The following SBNO1 variants were observed in gnomAD, a reference collection of about 807,000 sequenced individuals.
SBNO1 encodes the protein strawberry notch homolog 1.
In SBNO1, 23 loss-of-function variants were observed where a neutral mutation model predicts 173.6. That is an observed-to-expected ratio of 0.13 (90% CI 0.10 to 0.19). SBNO1 has a LOEUF of 0.19. Among genes scored for constraint, SBNO1 ranks in the 10% least tolerant of loss-of-function variants. The probability of loss-of-function intolerance (pLI) is 1.00; values close to 1 mark genes in which losing one functional copy is unlikely to be tolerated. For synonymous variants in SBNO1, 632 were observed against 571.5 expected, an observed-to-expected ratio of 1.11 and a Z score of -1.51; for missense variants, 1,238 against 1,671.2, an observed-to-expected ratio of 0.74 and a Z score of 4.52.
chr12:123,320,589 C>A lies in SBNO1; in HGVS notation c.2510G>T (p.Ser837Ile). The A allele has an allele frequency of 6.2e-7, 1 of 1,613,134 alleles. No individual in the cohort carries two copies. The highest frequency in any genetic ancestry group is 8.5e-7 in the Non-Finnish European group (1 of 1,179,628). ...NSTPANSNTN[S>I]NSSLITSQDA... ...CTGACTTGTTATAAGGCTACTGTTA[C>A]TGTTGGTGTTACTGTTAGCTAGATA... The change falls in exon 19 of 32, where the codon AGT (serine) becomes ATT (isoleucine). Residue 837 changes from serine (S) to isoleucine (I), a missense_variant. Physicochemically the swap from Ser to Ile is moderately radical, Grantham distance 142. Transcript: ENST00000602398.
Position 123,292,980 on chromosome 12 carries a change from T to TC in SBNO1, c.*2927dup, listed in dbSNP as rs1370037207. Reference sequence around the variant, plus strand: ...GTTGCTAAATGAGGGGAACACTAATTCCCCCAGAGATAACATCTGAGCTGC... The same window carrying TC: ...GTTGCTAAATGAGGGGAACACTAATTCCCCCCAGAGATAACATCTGAGCTGC... On this transcript the variant is annotated 3_prime_UTR_variant, in exon 32 of 32. Coordinates refer to ENST00000602398, the MANE Select transcript of SBNO1 (RefSeq NM_001167856.3). 2 of 152,140 alleles carry TC rather than the reference T, an allele frequency of 1.3e-5. No homozygotes were observed. The highest frequency in any genetic ancestry group is 4.8e-5 in the African/African-American group (2 of 41,422). 9.4% of individuals were successfully genotyped at this position (152,140 alleles called of 1,614,324 possible).
intron 3 of SBNO1, 49 bp downstream of exon 3, chr12:123,347,980 A>G (rs770105868): frequency 2.5e-6 from 3 of 1,189,726 alleles, no homozygotes; most frequent in Non-Finnish European, 3.7e-6. Context: ...TTTTCTCACT[A>G]CACTTCTAAA....
At chr12:123,316,225 A>G (rs1219441606) in intron 21 of SBNO1, among the ~76,000 whole-genome samples, 1 of 152,158 alleles carries the variant, frequency 6.6e-6, no homozygotes, top group Admixed American at 6.6e-5. Flanking sequence ...AAGACATTAA[A>G]CAGGATTTTT....
chr12:123,305,659 G>A (rs1169706337), intron 28 of SBNO1, among the ~76,000 whole-genome samples: 1 of 152,046 alleles, frequency 6.6e-6, no homozygotes, highest in Non-Finnish European at 1.5e-5. Flanking sequence ...TTTTAGTAGA[G>A]ATGGGGTTTC....
chr12:123,350,914 A>G (rs796791732), intron 1 of SBNO1, among the ~76,000 whole-genome samples: 14 of 152,274 alleles, frequency 9.2e-5, no homozygotes, highest in African/African-American at 3.4e-4. Context: ...CTAAGTTCAG[A>G]AGTTTGAGAC....
chr12:123,362,666 G>C (rs1232178189), intron 1 of SBNO1, among the ~76,000 whole-genome samples: 1 of 150,384 alleles, frequency 6.6e-6, no homozygotes, highest in Admixed American at 6.7e-5. Context: ...CTACTAGGGA[G>C]ACTGAGGCAG....
intron 1 of SBNO1, among the ~76,000 whole-genome samples, chr12:123,353,090 G>A (rs973009206): frequency 2.6e-5 from 4 of 152,168 alleles, no homozygotes; most frequent in Middle Eastern, 3.4e-3. Context: ...GCACCACCGC[G>A]CCCAGCCTCC....
chr12:123,298,259 T>C, intron 30 of SBNO1, 88 bp from the exon 31 acceptor site: 2 of 1,121,844 alleles, frequency 1.8e-6, no homozygotes, highest in Non-Finnish European at 2.4e-6. Context: ...AACTCAAATT[T>C]CTTTTCTTTT....
chr12:123,355,082 G>A (rs955467319), intron 1 of SBNO1, among the ~76,000 whole-genome samples: 2 of 151,720 alleles, frequency 1.3e-5, no homozygotes, highest in Non-Finnish European at 2.9e-5. Context: ...GTGCAGTGGC[G>A]CGATCTCAGC....
At chr12:123,347,999 G>A (rs745335610) in intron 3 of SBNO1, 30 bp downstream of exon 3, 1 of 1,373,500 alleles carries the variant, frequency 7.3e-7, no homozygotes, top group Non-Finnish European at 1.0e-6. Context: ...AACTATTTTA[G>A]AAGTAACGAC....
At chr12:123,312,081 C>CT (rs71765792) in intron 24 of SBNO1, among the ~76,000 whole-genome samples, 182 of 144,264 alleles carry the variant, frequency 1.3e-3, no homozygotes, top group Non-Finnish European at 1.4e-3. Flanking sequence ...ATCAAGGAAT[C>CT]TTTTTTTTTT....
chr12:123,325,827 C>T (rs1259878004), intron 14 of SBNO1, among the ~76,000 whole-genome samples: 1 of 152,124 alleles, frequency 6.6e-6, no homozygotes, highest in African/African-American at 2.4e-5. Context: ...AGTGAAGCCC[C>T]TGCCCTTGTA....
chr12:123,332,810 C>A (rs1235253987), intron 7 of SBNO1, among the ~76,000 whole-genome samples: 1 of 152,106 alleles, frequency 6.6e-6, no homozygotes, highest in African/African-American at 2.4e-5. Context: ...CAGGGTGACC[C>A]GCCTGCCTCA....
In SBNO1 at chr12:123,295,444, A is replaced by G. The variant is rs1409042782; in HGVS notation, c.*464T>C. 6.6e-6 allele frequency: 1 copy of G among 152,462 alleles called. No homozygotes were observed. The highest frequency in any genetic ancestry group is 1.9e-4 in the East Asian group (1 of 5,212). The allele number at this position is 152,462 out of a possible 1,614,324, so 9.4% of individuals were successfully genotyped here. On this transcript the variant is annotated 3_prime_UTR_variant, in exon 32 of 32. Transcript: ENST00000602398. Reference sequence around the variant, plus strand: ...CCTATTAAGTTGGAAAAAGAAACCAATATATATTTTCTATATTTATAGACT... The same window carrying G: ...CCTATTAAGTTGGAAAAAGAAACCAGTATATATTTTCTATATTTATAGACT...
intron 1 of SBNO1, among the ~76,000 whole-genome samples, chr12:123,355,371 T>C (rs1874336585): frequency 5.3e-5 from 8 of 151,974 alleles, no homozygotes; most frequent in Admixed American, 5.2e-4. Context: ...AAAAAAACGC[T>C]GGGCACGGTG....
intron 2 of SBNO1, among the ~76,000 whole-genome samples, chr12:123,349,724 GAAC>G (rs1349896951): frequency 2.6e-5 from 4 of 152,114 alleles, no homozygotes; most frequent in African/African-American, 7.2e-5. Context: ...AGACCAGCCT[GAAC>G]AACATGGTGA....
intron 1 of SBNO1, among the ~76,000 whole-genome samples, chr12:123,351,969 T>G (rs1429725180): frequency 6.6e-6 from 1 of 151,998 alleles, no homozygotes; most frequent in Non-Finnish European, 1.5e-5. Flanking sequence ...CTATGGAGTT[T>G]GCCGGGGTGG....
intron 2 of SBNO1, among the ~76,000 whole-genome samples, chr12:123,349,386 G>C (rs1873616726): frequency 6.6e-6 from 1 of 152,070 alleles, no homozygotes; most frequent in Non-Finnish European, 1.5e-5. Context: ...ACTGGCATGA[G>C]ACACTATGCC....
intron 15 of SBNO1, among the ~76,000 whole-genome samples, chr12:123,324,263 G>A (rs1311838169): frequency 2.6e-5 from 4 of 151,926 alleles, no homozygotes; most frequent in African/African-American, 4.8e-5. Context: ...TCTGGACACG[G>A]TAGTTCTAGG....
Sources: allele counts gnomAD v4.1 joint callset (sites outside exome capture counted in the v4.1 genomes callset), GRCh38; gene constraint gnomAD v4.1.1; transcripts MANE v1.5; gene names NCBI Gene and HGNC (gene_info 2026-07-23, HGNC 2026-07-21).